RINT1: variants seen among roughly 807,000 people sequenced by gnomAD.
RINT1 encodes RAD50 interactor 1, also known as RAD50-interacting protein 1.
In RINT1, 75 loss-of-function variants were observed where a neutral mutation model predicts 97.7. The observed-to-expected ratio is 0.77, with a 90% CI of 0.64 to 0.93. The LOEUF is 0.93. RINT1 is among the 40% of genes least tolerant of loss of function. The pLI, the probability that RINT1 is intolerant of heterozygous loss-of-function variation, is 0.00. For missense variants in RINT1, 892 were observed against 925.2 expected (o/e 0.96, Z 0.47); for synonymous variants, 303 against 326.3 (o/e 0.93, Z 0.77).
Position 105,554,594 on chromosome 7 carries a change from A to G in RINT1, c.1472-434A>G, listed in dbSNP as rs376725745. 1.6e-4 allele frequency among the ~76,000 whole-genome samples: 25 copies of G among 151,882 alleles called. No individual in the cohort carries two copies. The East Asian group carries it at 4.5e-3, about 27-fold the overall frequency. ...GCTGGGATTACAGGCACACGCCACT[A>G]CTGCCCGGCTAATTTTTGTAGTTTT... On this transcript the variant is annotated intron_variant, in intron 10 of 14. Transcript: ENST00000257700.
intron 1 of RINT1, 130 bp downstream of exon 1, chr7:105,532,487 A>G: frequency 9.2e-7 from 1 of 1,081,696 alleles, no homozygotes; most frequent in Non-Finnish European, 1.3e-6. Flanking sequence ...GGCTTAGATT[A>G]GAGGCCCTTG....
At chr7:105,556,860 A>G (rs1052618085) in intron 11 of RINT1, among the ~76,000 whole-genome samples, 4 of 152,234 alleles carry the variant, frequency 2.6e-5, no homozygotes, top group African/African-American at 9.6e-5. Flanking sequence ...ACAAAAGTCT[A>G]ATTAGCCTTT....
chr7:105,536,697 T>C lies in RINT1; in HGVS notation c.221T>C (p.Leu74Pro), dbSNP rs1445962430. 1 of 1,612,418 alleles carries C rather than the reference T, an allele frequency of 6.2e-7. No individual in the cohort carries two copies. The highest frequency in any genetic ancestry group is 8.5e-7 in the Non-Finnish European group (1 of 1,179,328). ...VGNDLKSLKK[L>P]DKLIEQRTVS... ...AATGACCTTAAATCTTTAAAGAAAC[T>C]TGATAAACTCATAGAACAGAGGACA... is the stretch of plus-strand genomic sequence containing the variant. The change falls in exon 3 of 15, where the codon CTT becomes CCT. Residue 74 changes from leucine (L) to proline (P), a missense_variant. Transcript: ENST00000257700.
Position 105,555,118 on chromosome 7 carries a change from C to A in RINT1, c.1562C>A (p.Thr521Lys), listed in dbSNP as rs767823700. The change falls in exon 11 of 15, where the codon ACA becomes AAA. Residue 521 changes from threonine to lysine, a missense_variant. By Grantham distance (78) the Thr-to-Lys change is moderately conservative. Transcript: ENST00000257700. ...GTAGATGATTTTAGGATACGATTAACACAAGTGATGAAAGAAGAGACTAGA... is the reference window on the plus strand; with the variant it reads ...GTAGATGATTTTAGGATACGATTAAAACAAGTGATGAAAGAAGAGACTAGA... Reference protein sequence around the residue: ...DLVDDFRIRLTQVMKEETRAS... With the variant: ...DLVDDFRIRLKQVMKEETRAS... 1 of 1,613,988 alleles carries A rather than the reference C, an allele frequency of 6.2e-7. No individual in the cohort carries two copies. The highest frequency in any genetic ancestry group is 8.5e-7 in the Non-Finnish European group (1 of 1,179,946).
chr7:105,554,679 A>G (rs1791097520), intron 10 of RINT1, among the ~76,000 whole-genome samples: 1 of 152,006 alleles, frequency 6.6e-6, no homozygotes, highest in African/African-American at 2.4e-5. Flanking sequence ...ACCTCAGTTG[A>G]TCCACCTGCC....
In RINT1 at chr7:105,540,971, G is replaced by A. The variant is rs140577696; in HGVS notation, c.274-1437G>A. Among the ~76,000 whole-genome samples the A allele has an allele frequency of 1.7e-3, 258 of 151,722 alleles. 1 individual carries two copies. The highest frequency in any genetic ancestry group is 5.9e-3 in the African/African-American group (246 of 41,358). ...TCTGCCTCAGCCTCCCAAAGTGCTG[G>A]GATTACAGGTATGTGCCACCATGCT... On this transcript the variant is annotated intron_variant, in intron 3 of 14. Transcript: ENST00000257700.
Position 105,535,353 on chromosome 7 carries a change from C to T in RINT1, c.89-1212C>T, listed in dbSNP as rs1296605831. Among the ~76,000 whole-genome samples, 3 of 151,704 alleles carry T rather than the reference C, an allele frequency of 2.0e-5. No individual in the cohort carries two copies. In the East Asian group the frequency reaches 5.8e-4, roughly 29 times the overall value. On this transcript the variant is annotated intron_variant, in intron 2 of 14. Transcript: ENST00000257700. ...CAAGCGATTCTTCTGCCTCAGCCTC[C>T]CGAGTAGCTGGGACTATAAGCGTGC...
chr7:105,563,888 T>C lies in RINT1; in HGVS notation c.1827T>C (p.Arg609=). The C allele has an allele frequency of 6.2e-7, 1 of 1,614,098 alleles. No individual in the cohort carries two copies. The highest frequency in any genetic ancestry group is 8.5e-7 in the Non-Finnish European group (1 of 1,180,028). The change falls in exon 12 of 15, where the codon CGT becomes CGC. Residue 609 remains arginine, a synonymous_variant. Transcript: ENST00000257700. ...LERLKHDMLT[R]QVDHVFREVK... Reference sequence around the variant, plus strand: ...GTTTAAAGCATGATATGTTGACCCGTCAAGTAGACCACGTTTTTAGAGAAG... The same window carrying C: ...GTTTAAAGCATGATATGTTGACCCGCCAAGTAGACCACGTTTTTAGAGAAG...
At chr7:105,557,135 C>G (rs890164403) in intron 11 of RINT1, among the ~76,000 whole-genome samples, 1 of 151,564 alleles carries the variant, frequency 6.6e-6, no homozygotes, top group African/African-American at 2.4e-5. Flanking sequence ...ATTAAAGAAA[C>G]TAACTATACG....
At chr7:105,563,600 G>T in intron 11 of RINT1, 133 bp from the exon 12 acceptor site, 1 of 688,598 alleles carries the variant, frequency 1.5e-6, no homozygotes, top group Non-Finnish European at 2.4e-6. Flanking sequence ...CCAAAGTGCT[G>T]GGATTACAGG....
intron 11 of RINT1, among the ~76,000 whole-genome samples, chr7:105,560,602 G>A (rs1791396568): frequency 6.6e-6 from 1 of 152,050 alleles, no homozygotes; most frequent in South Asian, 2.1e-4. Flanking sequence ...GAAATCTTTG[G>A]GAGAATTCTC....
At chr7:105,544,202 T>G (rs1790571220) in intron 4 of RINT1, among the ~76,000 whole-genome samples, 1 of 152,128 alleles carries the variant, frequency 6.6e-6, no homozygotes, top group Non-Finnish European at 1.5e-5. Context: ...GATAAATTAT[T>G]TGCAGTGAAG....
intron 6 of RINT1, among the ~76,000 whole-genome samples, chr7:105,548,033 T>A (rs1330424491): frequency 6.6e-6 from 1 of 151,980 alleles, no homozygotes; most frequent in Non-Finnish European, 1.5e-5. Context: ...GGCTCATTTT[T>A]GTGCTTTTTT....
At chr7:105,554,861 A>G (rs1791106875) in intron 10 of RINT1, among the ~76,000 whole-genome samples, 167 bp from the exon 11 acceptor site, 1 of 152,222 alleles carries the variant, frequency 6.6e-6, no homozygotes. Flanking sequence ...GCAAATGTAT[A>G]TACTTTTGAA....
chr7:105,551,862 T>C (rs1790941941), intron 10 of RINT1, among the ~76,000 whole-genome samples, 155 bp downstream of exon 10: 1 of 152,114 alleles, frequency 6.6e-6, no homozygotes, highest in African/African-American at 2.4e-5. Flanking sequence ...GCCCAGGAGT[T>C]CGAGAACAGC....
intron 14 of RINT1, 104 bp from the exon 15 acceptor site, chr7:105,567,015 T>TGTGGACCAGCA (rs1791787882): frequency 1.7e-6 from 1 of 582,814 alleles, no homozygotes; most frequent in Non-Finnish European, 2.8e-6. Flanking sequence ...ATAGAGAACA[T>TGTGGACCAGCA]GTGGACCAGC....
intron 3 of RINT1, among the ~76,000 whole-genome samples, chr7:105,538,802 T>C (rs1790345915): frequency 6.6e-6 from 1 of 152,194 alleles, no homozygotes; most frequent in Admixed American, 6.5e-5. Flanking sequence ...ATTTTTAACC[T>C]CTTCATTCAG....
chr7:105,543,054 T>C (rs1348241872), intron 4 of RINT1, among the ~76,000 whole-genome samples: 3 of 151,838 alleles, frequency 2.0e-5, no homozygotes, highest in Non-Finnish European at 4.4e-5. Context: ...CTGGCTAATT[T>C]TTTTTTTTGG....
chr7:105,561,112 A>C (rs1270161745), intron 11 of RINT1, among the ~76,000 whole-genome samples: 1 of 144,176 alleles, frequency 6.9e-6, no homozygotes, highest in African/African-American at 2.7e-5. Flanking sequence ...AAAAAAAAAA[A>C]AAACCTTGGC....
Sources: gnomAD v4.1 joint callset for allele counts (sites outside exome capture counted in the v4.1 genomes callset) on GRCh38, gnomAD v4.1.1 for gene constraint, MANE v1.5 for transcripts, NCBI Gene and HGNC (gene_info 2026-07-23, HGNC 2026-07-21) for gene names.